HAVCR1: variants seen among roughly 807,000 people sequenced by gnomAD.
HAVCR1 encodes the protein T cell immunoglobin domain and mucin domain protein 1.
A neutral mutation model predicts 32.0 loss-of-function variants in HAVCR1; 34 were observed. The ratio of observed to expected loss-of-function variants is 1.06; its 90% CI spans 0.81 to 1.42. HAVCR1 has a LOEUF of 1.42. Among genes scored for constraint, HAVCR1 ranks in the 40% most tolerant of loss-of-function variants. The pLI, the probability that HAVCR1 is intolerant of heterozygous loss-of-function variation, is 0.00. For synonymous variants in HAVCR1, 178 were observed against 170.3 expected, an observed-to-expected ratio of 1.05 and a Z score of -0.35; for missense variants, 420 against 442.3, an observed-to-expected ratio of 0.95 and a Z score of 0.45.
At chr5:157,055,158 G>C in intron 3 of HAVCR1, 43 bp downstream of exon 3, 4 of 1,093,458 alleles carry the variant, frequency 3.7e-6, no homozygotes, top group Non-Finnish European at 5.3e-6. Context: ...CTACCGAACA[G>C]AAAATTCAAT....
At chr5:157,044,201 G>A (rs1305599707) in intron 5 of HAVCR1, among the ~76,000 whole-genome samples, 1 of 151,592 alleles carries the variant, frequency 6.6e-6, no homozygotes, top group Non-Finnish European at 1.5e-5. Flanking sequence ...GCGTGATGCT[G>A]CACATCTGTA....
intron 6 of HAVCR1, among the ~76,000 whole-genome samples, chr5:157,038,006 CGAA>C (rs71849994): frequency 0.023 from 3,509 of 151,082 alleles, 114 homozygotes; most frequent in African/African-American, 0.078. Context: ...GACTCCATCT[CGAA>C]AAAAAGAAAA....
rs781641544 is a variant in HAVCR1 at position 157,032,837 on chromosome 5, A to G, written c.986+17T>C. The G allele has an allele frequency of 2.6e-5, 38 of 1,456,812 alleles. No individual in the cohort carries two copies. The highest frequency in any genetic ancestry group is 3.6e-5 in the Non-Finnish European group (37 of 1,040,180). The allele number at this position is 1,456,812 out of a possible 1,614,324, so 90.2% of individuals were successfully genotyped here. On this transcript the variant is annotated intron_variant, in intron 8 of 8. Coordinates refer to ENST00000523175, the MANE Select transcript of HAVCR1 (RefSeq NM_001173393.3). ...TAGGAACCTCAAAAGTATTGATAGA[A>G]ATATTTTCGAGCTTACCTTAGTTGT...
At chr5:157,042,532 G>T in intron 6 of HAVCR1, 95 bp downstream of exon 6, 1 of 653,904 alleles carries the variant, frequency 1.5e-6, no homozygotes, top group Non-Finnish European at 2.6e-6. Context: ...AAAATTCTGT[G>T]GGCTAGTCTT....
intron 4 of HAVCR1, among the ~76,000 whole-genome samples, chr5:157,052,063 G>C (rs1755769481): frequency 6.6e-6 from 1 of 152,214 alleles, no homozygotes; most frequent in African/African-American, 2.4e-5. Flanking sequence ...AGCTGAGTCA[G>C]ATCCACAGTA....
chr5:157,055,870 C>A (rs1304951624), intron 2 of HAVCR1, among the ~76,000 whole-genome samples: 4 of 140,060 alleles, frequency 2.9e-5, no homozygotes, highest in Admixed American at 2.3e-4. Flanking sequence ...TCTCCCCCTC[C>A]CCCAAAAAAA....
At chr5:157,044,637 G>GAA (rs758358415) in intron 5 of HAVCR1, among the ~76,000 whole-genome samples, 46 of 62,154 alleles carry the variant, frequency 7.4e-4, no homozygotes, top group African/African-American at 2.1e-3. Flanking sequence ...AAGAAAGAAA[G>GAA]AAAGAAAGAA....
chr5:157,045,415 T>C (rs890658183), intron 5 of HAVCR1, among the ~76,000 whole-genome samples: 18 of 152,142 alleles, frequency 1.2e-4, no homozygotes, highest in Non-Finnish European at 1.8e-4. Flanking sequence ...GCTATTATTA[T>C]TATATAATGG....
intron 5 of HAVCR1, among the ~76,000 whole-genome samples, chr5:157,048,686 C>T (rs978737398): frequency 3.3e-5 from 5 of 152,000 alleles, no homozygotes; most frequent in Non-Finnish European, 5.9e-5. Flanking sequence ...AAAAATTAGC[C>T]GGGCGTGGTG....
intron 3 of HAVCR1, among the ~76,000 whole-genome samples, chr5:157,052,883 T>C: frequency 6.6e-6 from 1 of 152,198 alleles, no homozygotes; most frequent in Non-Finnish European, 1.5e-5. Context: ...TGCATGCATA[T>C]TCAGCAAATA....
At chr5:157,039,940 C>T (rs918246206) in intron 6 of HAVCR1, among the ~76,000 whole-genome samples, 7 of 152,128 alleles carry the variant, frequency 4.6e-5, no homozygotes, top group African/African-American at 9.7e-5. Context: ...AACCTTGAAC[C>T]GGCCTCTAAA....
chr5:157,056,481 G>A (rs964031475), intron 2 of HAVCR1, among the ~76,000 whole-genome samples: 12 of 150,644 alleles, frequency 8.0e-5, no homozygotes, highest in East Asian at 3.9e-4. Context: ...CCAGGTTCAC[G>A]CCATTCTCCC....
chr5:157,042,334 C>T (rs368057888), intron 6 of HAVCR1, among the ~76,000 whole-genome samples: 2 of 150,804 alleles, frequency 1.3e-5, no homozygotes, highest in African/African-American at 4.9e-5. Context: ...CCCAGCTATT[C>T]GGGAGGCTGA....
intron 6 of HAVCR1, among the ~76,000 whole-genome samples, chr5:157,039,789 G>C (rs986200557): frequency 6.6e-6 from 1 of 152,052 alleles, no homozygotes; most frequent in African/African-American, 2.4e-5. Context: ...TTATTTATTA[G>C]TTCAATTTTT....
intron 7 of HAVCR1, among the ~76,000 whole-genome samples, chr5:157,034,863 G>A (rs939956595): frequency 6.6e-6 from 1 of 152,124 alleles, no homozygotes; most frequent in Non-Finnish European, 1.5e-5. Context: ...TGGGGTTAGG[G>A]TTACAGATTA....
At chr5:157,062,298 G>A (rs4235719), upstream of HAVCR1, among the ~76,000 whole-genome samples, 94,933 of 151,982 alleles carry the variant, frequency 0.62, 29,875 homozygotes, top group East Asian at 0.84. Context: ...GCTCGAACCC[G>A]GGAGGTGGAG....
chr5:157,044,663 A>AAGAAAGAAAGAAAGAAAGAAAG (rs1561591565), intron 5 of HAVCR1, among the ~76,000 whole-genome samples: 8 of 141,574 alleles, frequency 5.7e-5, no homozygotes, highest in African/African-American at 2.2e-4. Context: ...GAAAGAAAGA[A>AAGAAAGAAAGAAAGAAAGAAAG]AGAAAGAAAG....
chr5:157,063,813 T>C (rs1276001824), upstream of HAVCR1, among the ~76,000 whole-genome samples: 1 of 151,930 alleles, frequency 6.6e-6, no homozygotes, highest in East Asian at 1.9e-4. Flanking sequence ...ACCAAGAAGG[T>C]GATTATTTGA....
At chr5:157,060,786 A>T (rs1756470531), upstream of HAVCR1, among the ~76,000 whole-genome samples, 2 of 152,200 alleles carry the variant, frequency 1.3e-5, no homozygotes, top group Admixed American at 1.3e-4. Context: ...TTCTGTCTCC[A>T]GTAGAATATT....
Sources: gnomAD v4.1 joint callset for allele counts (sites outside exome capture counted in the v4.1 genomes callset) on GRCh38, gnomAD v4.1.1 for gene constraint, MANE v1.5 for transcripts, NCBI Gene and HGNC (gene_info 2026-07-23, HGNC 2026-07-21) for gene names.